DGKB: variants seen among roughly 807,000 people sequenced by gnomAD.
The protein encoded by DGKB is 90 kDa diacylglycerol kinase.
DGKB carries 67 observed loss-of-function variants against 114.3 expected under a neutral mutation model. The ratio of observed to expected loss-of-function variants is 0.59; its 90% CI spans 0.48 to 0.72. The LOEUF (loss-of-function observed/expected upper bound fraction) is 0.72, where lower values mean the gene tolerates loss of function less well. Ranked by LOEUF, DGKB falls within the 30% of genes least tolerant of loss-of-function variation. The pLI is 0.00. For synonymous variants in DGKB, 398 were observed against 323.1 expected (o/e 1.23, Z -2.49); for missense variants, 907 against 975.2 (o/e 0.93, Z 0.93).
At chr7:14,582,919 G>A (rs371650232) in intron 18 of DGKB, 133 bp downstream of exon 18, 62 of 707,130 alleles carry the variant, frequency 8.8e-5, no homozygotes, top group African/African-American at 7.3e-4. Flanking sequence ...AGTTAAACCA[G>A]TGTGCAACCT....
chr7:14,481,159 T>C (rs1364119960), intron 20 of DGKB, among the ~76,000 whole-genome samples: 5 of 151,964 alleles, frequency 3.3e-5, no homozygotes, highest in African/African-American at 1.2e-4. Context: ...TGCAAATATA[T>C]GTATATAGAA....
intron 20 of DGKB, among the ~76,000 whole-genome samples, chr7:14,536,153 G>A (rs559493043): frequency 6.6e-6 from 1 of 152,192 alleles, no homozygotes; most frequent in South Asian, 2.1e-4. Flanking sequence ...GTTCCAATTA[G>A]CAATAAAAAC....
intron 20 of DGKB, among the ~76,000 whole-genome samples, chr7:14,508,194 C>T (rs909564484): frequency 6.6e-6 from 1 of 152,124 alleles, no homozygotes; most frequent in African/African-American, 2.4e-5. Flanking sequence ...TATTAAGACA[C>T]TATACACTGA....
At chr7:14,621,077 AAC>A in intron 15 of DGKB, 1 of 221,314 alleles carries the variant, frequency 4.5e-6, no homozygotes, top group Non-Finnish European at 8.7e-6. Context: ...GTAAATAAAT[AAC>A]ACATATGTAT....
rs192392304 is a variant in DGKB at position 14,570,138 on chromosome 7, T to A, written c.1770+4074A>T. ...TTTATCATTATTTTTATTACTTTTTTAAATTTTTTGTTTTTCACCATATGT... is the reference window on the plus strand; with the variant it reads ...TTTATCATTATTTTTATTACTTTTTAAAATTTTTTGTTTTTCACCATATGT... On this transcript the variant is annotated intron_variant, in intron 20 of 25. Coordinates refer to ENST00000402815, the MANE Select transcript of DGKB (RefSeq NM_001350709.2). Among the ~76,000 whole-genome samples the A allele has an allele frequency of 4.3e-3, 657 of 151,562 alleles. 1 individual carries two copies. Among genetic ancestry groups the A allele is most frequent in the Non-Finnish European group, 7.1e-3 (482 of 67,794 alleles).
rs78406281 is a variant in DGKB at position 14,236,134 on chromosome 7, T to C, written c.2123-57983A>G. On this transcript the variant is annotated intron_variant, in intron 23 of 25. Transcript: ENST00000402815. Reference sequence around the variant, plus strand: ...AAAATTGAGAGTGATGTACCTGTCTTGCAGTTACAGGCTTTTCAAATTACA... The same window carrying C: ...AAAATTGAGAGTGATGTACCTGTCTCGCAGTTACAGGCTTTTCAAATTACA... 2.6e-3 allele frequency among the ~76,000 whole-genome samples: 391 copies of C among 152,200 alleles called. 3 individuals carry two copies. Among genetic ancestry groups the C allele is most frequent in the African/African-American group, 9.0e-3 (376 of 41,550 alleles).
intron 23 of DGKB, chr7:14,191,821 A>C: frequency 2.2e-6 from 1 of 452,584 alleles, no homozygotes; most frequent in East Asian, 6.0e-5. Context: ...AAACAGGCTA[A>C]ATCAGTGACG....
At chr7:14,246,949 A>C (rs1222672746) in intron 23 of DGKB, among the ~76,000 whole-genome samples, 2 of 152,096 alleles carry the variant, frequency 1.3e-5, no homozygotes. Context: ...TGCAAAACTA[A>C]AGCTTTGTAC....
At chr7:14,435,444 C>G (rs932855223) in intron 21 of DGKB, among the ~76,000 whole-genome samples, 1 of 152,068 alleles carries the variant, frequency 6.6e-6, no homozygotes, top group Non-Finnish European at 1.5e-5. Context: ...ATTTAAATGT[C>G]TAAATCACAC....
chr7:14,652,993 AG>A (rs1292159994), intron 13 of DGKB, among the ~76,000 whole-genome samples: 2 of 151,862 alleles, frequency 1.3e-5, no homozygotes, highest in African/African-American at 4.8e-5. Context: ...ATCATTAAAA[AG>A]TCAGGAAACA....
chr7:14,281,299 A>T (rs914234424), intron 23 of DGKB, among the ~76,000 whole-genome samples: 3 of 150,780 alleles, frequency 2.0e-5, no homozygotes, highest in East Asian at 4.0e-4. Flanking sequence ...TCAATTCAAC[A>T]AGAAGAGCTA....
intron 20 of DGKB, among the ~76,000 whole-genome samples, chr7:14,510,828 C>T (rs893752610): frequency 6.6e-6 from 1 of 152,152 alleles, no homozygotes; most frequent in Non-Finnish European, 1.5e-5. Context: ...TGTTAGCAGG[C>T]ATAAAAACAT....
At chr7:14,906,039 T>A (rs1005425504), upstream of DGKB, among the ~76,000 whole-genome samples, 1 of 152,096 alleles carries the variant, frequency 6.6e-6, no homozygotes, top group African/African-American at 2.4e-5. Flanking sequence ...TCCTTAAGAT[T>A]CCTCCAAAAT....
At chr7:14,332,913 G>A (rs74324488) in intron 23 of DGKB, among the ~76,000 whole-genome samples, 2,182 of 152,168 alleles carry the variant, frequency 0.014, 51 homozygotes, top group African/African-American at 0.05. Flanking sequence ...CATATGCAGG[G>A]TAGACAGTCA....
intron 20 of DGKB, among the ~76,000 whole-genome samples, chr7:14,524,333 T>C (rs1384966765): frequency 1.3e-5 from 2 of 152,184 alleles, no homozygotes; most frequent in African/African-American, 2.4e-5. Context: ...TTCAGATCAA[T>C]AGAGTGGTAG....
chr7:14,373,234 C>T (rs553346909), intron 21 of DGKB, among the ~76,000 whole-genome samples: 1 of 152,264 alleles, frequency 6.6e-6, no homozygotes, highest in Admixed American at 6.5e-5. Context: ...GGATTTAAGT[C>T]ATTGTTATTT....
intron 1 of DGKB, among the ~76,000 whole-genome samples, chr7:14,915,940 C>G (rs541697074): frequency 6.6e-6 from 1 of 151,878 alleles, no homozygotes; most frequent in East Asian, 1.9e-4. Flanking sequence ...AAATGTTTTG[C>G]TTTTCTTATT....
intron 23 of DGKB, among the ~76,000 whole-genome samples, chr7:14,205,260 T>A (rs558071171): frequency 6.6e-6 from 1 of 152,058 alleles, no homozygotes; most frequent in East Asian, 2.0e-4. Flanking sequence ...CACATCTCTT[T>A]CAACTGATAA....
intron 20 of DGKB, among the ~76,000 whole-genome samples, chr7:14,504,302 C>T (rs771366360): frequency 6.6e-6 from 1 of 152,142 alleles, no homozygotes; most frequent in African/African-American, 2.4e-5. Flanking sequence ...GGTTTGGATA[C>T]CAGCTGGCTT....
Sources: allele counts gnomAD v4.1 joint callset (sites outside exome capture counted in the v4.1 genomes callset), GRCh38; gene constraint gnomAD v4.1.1; transcripts MANE v1.5; gene names NCBI Gene and HGNC (gene_info 2026-07-23, HGNC 2026-07-21).